DMTF1: variants seen among roughly 807,000 people sequenced by gnomAD.
DMTF1 encodes cyclin D binding myb like transcription factor 1, also known as cyclin-D-binding Myb-like transcription factor 1.
In DMTF1, 39 loss-of-function variants were observed where a neutral mutation model predicts 91.1. The observed-to-expected ratio is 0.43, with a 90% CI of 0.33 to 0.56. DMTF1 has a LOEUF of 0.56. Among genes scored for constraint, DMTF1 ranks in the 20% least tolerant of loss-of-function variants. DMTF1 has a pLI of 0.05. For missense variants in DMTF1, 750 were observed against 914.5 expected (o/e 0.82, Z 2.32); for synonymous variants, 338 against 309.5 (o/e 1.09, Z -0.97).
chr7:87,180,718 G>A (rs889378993), intron 8 of DMTF1, among the ~76,000 whole-genome samples: 16 of 151,960 alleles, frequency 1.1e-4, no homozygotes, highest in Middle Eastern at 3.2e-3. Flanking sequence ...TAAAGGAACT[G>A]TTAGACAGCA....
rs1480495544 is a variant in DMTF1 at position 87,184,520 on chromosome 7, C to A, written c.944C>A (p.Thr315Asn). 6.2e-7 allele frequency: 1 copy of A among 1,613,970 alleles called. No homozygotes were observed. Among genetic ancestry groups the A allele is most frequent in the Admixed American group, 1.7e-5 (1 of 59,990 alleles). The change falls in exon 11 of 18, where the codon ACC becomes AAC. Residue 315 changes from threonine (T) to asparagine (N), a missense_variant. Around this residue, in one of 3 missense-constraint regions of DMTF1, gnomAD observed 190 missense variants for 343.8 expected, o/e 0.55. Coordinates refer to ENST00000331242, the MANE Select transcript of DMTF1 (RefSeq NM_001142327.2). Reference protein sequence around the residue: ...SWAAVAERVGTRSEKQCRSKW... With the variant: ...SWAAVAERVGNRSEKQCRSKW... ...GCAGCTGTGGCTGAACGAGTCGGTA[C>A]CCGCTCAGAAAAGCAATGTCGTTCT...
chr7:87,193,364 T>G lies in DMTF1; in HGVS notation c.1650+11T>G, dbSNP rs755164347. On this transcript the variant is annotated intron_variant, in intron 15 of 17. Transcript: ENST00000331242. ...GTTCATGCTTTATCCGTATGTTACATAAATTACTTGATTTTTGAGTACCTG... is the reference window on the plus strand; with the variant it reads ...GTTCATGCTTTATCCGTATGTTACAGAAATTACTTGATTTTTGAGTACCTG... 5 of 1,612,664 alleles carry G rather than the reference T, an allele frequency of 3.1e-6. No homozygotes were observed. The Admixed American group carries it at 8.4e-5, about 27-fold the overall frequency.
intron 1 of DMTF1, among the ~76,000 whole-genome samples, chr7:87,157,156 T>G (rs897336290): frequency 4.6e-5 from 7 of 152,144 alleles, no homozygotes; most frequent in African/African-American, 1.7e-4. Context: ...TACTGCCTTA[T>G]TAGTTGATCT....
At position 87,171,068 on chromosome 7, in the gene DMTF1, G is replaced by A; in HGVS notation, c.306G>A (p.Glu102=). 1.2e-6 allele frequency: 2 copies of A among 1,609,766 alleles called. No individual in the cohort carries two copies. The highest frequency in any genetic ancestry group is 1.1e-5 in the South Asian group (1 of 90,948). ...TTEVADDEVT[E]GTVTQIQILQ... is the part of the protein sequence containing the mutation. ...AAGTAGCAGATGATGAGGTTACTGA[G>A]GGGACTGTGACACAGATACAGGTAT... Residue 102 remains glutamate, a synonymous_variant, in exon 5 of 18, where the codon GAG becomes GAA. Coordinates refer to ENST00000331242, the MANE Select transcript of DMTF1 (RefSeq NM_001142327.2).
chr7:87,171,059 G>T lies in DMTF1; in HGVS notation c.297G>T (p.Glu99Asp). ...MTATTEVADDEVTEGTVTQIQ... is the reference protein window; with the variant it reads ...MTATTEVADDDVTEGTVTQIQ... ...CAACCACAGAAGTAGCAGATGATGA[G>T]GTTACTGAGGGGACTGTGACACAGA... The change falls in exon 5 of 18, where the codon GAG becomes GAT. Residue 99 changes from glutamate to aspartate, a missense_variant. This residue lies in a region of DMTF1 where 150 missense variants were observed against 150.4 expected (regional missense o/e 1.00). Transcript: ENST00000331242. 6.2e-7 allele frequency: 1 copy of T among 1,611,326 alleles called. No homozygotes were observed. The highest frequency in any genetic ancestry group is 8.5e-7 in the Non-Finnish European group (1 of 1,177,742).
intron 10 of DMTF1, among the ~76,000 whole-genome samples, chr7:87,183,242 C>G (rs1797737982): frequency 6.6e-6 from 1 of 152,250 alleles, no homozygotes; most frequent in African/African-American, 2.4e-5. Context: ...CTTCTACCAA[C>G]TTTGTCATTC....
intron 1 of DMTF1, among the ~76,000 whole-genome samples, chr7:87,156,721 T>C (rs73206906): frequency 0.026 from 3,959 of 152,268 alleles, 80 homozygotes; most frequent in East Asian, 0.065. Flanking sequence ...CCACTAAGAT[T>C]TTCTACTAAG....
rs1394845489 is a variant in DMTF1 at position 87,194,075 on chromosome 7, T to C, written c.2001T>C (p.Ser667=). The change falls in exon 16 of 18, where the codon TCT becomes TCC. Residue 667 remains serine (S), a synonymous_variant. Transcript: ENST00000331242. Reference sequence around the variant, plus strand: ...ACCTTAAACAAGAGGAATCACCCTCTGATTTAGCCAGTGCTTATGTTACTG... The same window carrying C: ...ACCTTAAACAAGAGGAATCACCCTCCGATTTAGCCAGTGCTTATGTTACTG... ...DTDLKQEESP[S]DLASAYVTEG... 4.4e-6 allele frequency: 7 copies of C among 1,605,258 alleles called. No individual in the cohort carries two copies. The highest frequency in any genetic ancestry group is 1.3e-5 in the African/African-American group (1 of 74,464).
At chr7:87,180,552 T>C (rs762644375) in intron 8 of DMTF1, among the ~76,000 whole-genome samples, 5 of 152,190 alleles carry the variant, frequency 3.3e-5, no homozygotes, top group African/African-American at 4.8e-5. Flanking sequence ...ATGTCAGATG[T>C]CCATACCTGG....
intron 14 of DMTF1, chr7:87,192,379 C>T (rs1800047405): frequency 6.6e-6 from 1 of 151,918 alleles, no homozygotes. Context: ...AAATTGAGTC[C>T]TCACAGAGTT....
chr7:87,193,592 G>A lies in DMTF1; in HGVS notation c.1651-133G>A, dbSNP rs1800434871. On this transcript the variant is annotated intron_variant, in intron 15 of 17. Transcript: ENST00000331242. ...AGAACAAAGGCCCTAGCAAGTAAAGGACAAGGGTTCTAGAAAAATAGTGAT... is the reference window on the plus strand; with the variant it reads ...AGAACAAAGGCCCTAGCAAGTAAAGAACAAGGGTTCTAGAAAAATAGTGAT... The A allele has an allele frequency of 9.4e-6, 9 of 961,106 alleles. No individual in the cohort carries two copies. In the South Asian group the frequency reaches 1.5e-4, roughly 16 times the overall value. The allele number at this position is 961,106 out of a possible 1,614,324, so 59.5% of individuals were successfully genotyped here.
At chr7:87,176,013 TAA>T (rs2129122873) in intron 7 of DMTF1, among the ~76,000 whole-genome samples, 1 of 152,300 alleles carries the variant, frequency 6.6e-6, no homozygotes, top group South Asian at 2.1e-4. Flanking sequence ...GTGTTATGTC[TAA>T]AATGTAGATC....
At chr7:87,165,137 C>G (rs947462681) in intron 3 of DMTF1, 87 bp downstream of exon 3, 12 of 783,520 alleles carry the variant, frequency 1.5e-5, no homozygotes, top group Non-Finnish European at 2.5e-5. Flanking sequence ...AAATAGGGGT[C>G]TAGGTGCCTA....
intron 5 of DMTF1, among the ~76,000 whole-genome samples, chr7:87,171,765 A>G (rs1795118420): frequency 6.6e-6 from 1 of 152,180 alleles, no homozygotes; most frequent in South Asian, 2.1e-4. Flanking sequence ...TGGGGGTAAA[A>G]TACTCTAAGA....
intron 8 of DMTF1, 132 bp downstream of exon 8, chr7:87,179,834 T>A: frequency 1.2e-6 from 1 of 812,156 alleles, no homozygotes; most frequent in Non-Finnish European, 1.8e-6. Context: ...TCCAGGTCCA[T>A]GTTGTGAATA....
chr7:87,166,650 C>A (rs767976193), intron 4 of DMTF1, 45 bp downstream of exon 4: 2 of 1,589,526 alleles, frequency 1.3e-6, no homozygotes, highest in South Asian at 1.1e-5. Flanking sequence ...CTTTTAAAAT[C>A]AAAGTTTAGC....
chr7:87,171,591 G>A (rs1211804434), intron 5 of DMTF1, among the ~76,000 whole-genome samples: 1 of 152,084 alleles, frequency 6.6e-6, no homozygotes, highest in Admixed American at 6.6e-5. Context: ...AGTACTTTGT[G>A]GTTGCAAGAG....
rs993525139 is a variant in DMTF1 at position 87,188,258 on chromosome 7, C to A, written c.1368C>A (p.Ser456Arg). The change falls in exon 13 of 18, where the codon AGC becomes AGA. Residue 456 changes from serine to arginine, a missense_variant. Ser to Arg is a moderately radical substitution (Grantham distance 110). Around this residue, in one of 3 missense-constraint regions of DMTF1, gnomAD observed 410 missense variants for 420.2 expected, o/e 0.98. Transcript: ENST00000331242. ...AAGATAATACAGCCATCTCTTCTAG[C>A]CCCATGGCAGCATTGCAGATTCCAG... is the stretch of plus-strand genomic sequence containing the variant. Reference protein sequence around the residue: ...RLEDNTAISSSPMAALQIPVQ... With the variant: ...RLEDNTAISSRPMAALQIPVQ... 1.2e-6 allele frequency: 2 copies of A among 1,613,794 alleles called. No individual in the cohort carries two copies. Among genetic ancestry groups the A allele is most frequent in the Non-Finnish European group, 1.7e-6 (2 of 1,179,872 alleles).
chr7:87,155,037 C>T (rs1292301982), intron 1 of DMTF1, among the ~76,000 whole-genome samples: 2 of 152,140 alleles, frequency 1.3e-5, no homozygotes, highest in Non-Finnish European at 2.9e-5. Context: ...AAACAGTTGC[C>T]TTTGCCATGC....
Sources: gnomAD v4.1 joint callset for allele counts (sites outside exome capture counted in the v4.1 genomes callset) on GRCh38, gnomAD v4.1.1 for gene constraint, gnomAD v4.1.1 regional missense constraint, MANE v1.5 for transcripts, NCBI Gene and HGNC (gene_info 2026-07-23, HGNC 2026-07-21) for gene names.